The following C1QTNF9 variants were observed in gnomAD, a reference collection of about 807,000 sequenced individuals.
C1QTNF9 encodes C1q and TNF related 9, also known as complement C1q and tumor necrosis factor-related protein 9A.
A neutral mutation model predicts 10.1 loss-of-function variants in C1QTNF9; 6 were observed. The observed-to-expected ratio is 0.59, with a 90% CI of 0.32 to 1.17. The LOEUF (loss-of-function observed/expected upper bound fraction) is 1.17. C1QTNF9 is among the 50% of genes most tolerant of loss of function. The pLI, the probability that C1QTNF9 is intolerant of heterozygous loss-of-function variation, is 0.04. For synonymous variants in C1QTNF9, 98 were observed against 163.5 expected (o/e 0.60, Z 3.06); for missense variants, 201 against 418.8 (o/e 0.48, Z 4.54).
intron 3 of C1QTNF9, among the ~76,000 whole-genome samples, chr13:24,320,539 C>T (rs962575659): frequency 2.6e-5 from 4 of 152,018 alleles, no homozygotes; most frequent in South Asian, 2.1e-4. Context: ...TGTGCACCAC[C>T]GCGCCTGGCT....
chr13:24,314,234 T>G (rs112750264), intron 1 of C1QTNF9, among the ~76,000 whole-genome samples: 3,092 of 152,266 alleles, frequency 0.02, 99 homozygotes, highest in African/African-American at 0.071. Flanking sequence ...GTTTTTGTTT[T>G]ACTTCATTTT....
chr13:24,316,119 T>G, exon 2 of C1QTNF9: 1 of 1,612,388 alleles, frequency 6.2e-7, no homozygotes, highest in Non-Finnish European at 8.5e-7. Context: ...CACAATGGTC[T>G]GCCTGGAAGA....
intron 1 of C1QTNF9, among the ~76,000 whole-genome samples, chr13:24,310,040 T>C (rs1275416799): frequency 6.6e-6 from 1 of 151,024 alleles, no homozygotes; most frequent in Non-Finnish European, 1.5e-5. Flanking sequence ...ATTACAGACA[T>C]GGGCCACCAC....
exon 4 of C1QTNF9, chr13:24,321,700 A>G: frequency 6.2e-7 from 1 of 1,612,270 alleles, no homozygotes; most frequent in Non-Finnish European, 8.5e-7. Context: ...AGAGAGGTTC[A>G]ATGGCTTGTT....
intron 1 of C1QTNF9, among the ~76,000 whole-genome samples, chr13:24,309,898 CT>C (rs1174736736): frequency 6.6e-6 from 1 of 151,984 alleles, no homozygotes; most frequent in Admixed American, 6.6e-5. Context: ...GAATAGTGGG[CT>C]TTTTTTCTTT....
At chr13:24,318,146 G>A (rs558749097) in intron 2 of C1QTNF9, among the ~76,000 whole-genome samples, 2 of 152,260 alleles carry the variant, frequency 1.3e-5, no homozygotes, top group East Asian at 3.9e-4. Flanking sequence ...TACTGCCATA[G>A]CCAGAGCCAC....
exon 4 of C1QTNF9, chr13:24,321,296 T>G: frequency 1.3e-6 from 2 of 1,529,398 alleles, no homozygotes; most frequent in African/African-American, 1.5e-5. Context: ...GAGCCAGGAG[T>G]CCGGGGAATA....
intron 2 of C1QTNF9, among the ~76,000 whole-genome samples, chr13:24,317,254 A>AGTGTGTGTGT (rs10663026): frequency 1.3e-4 from 17 of 125,972 alleles, no homozygotes; most frequent in South Asian, 2.3e-4. Context: ...GGACCACAGT[A>AGTGTGTGTGT]GTGTGTGTGT....
At chr13:24,308,606 T>C (rs1175282754), upstream of C1QTNF9, among the ~76,000 whole-genome samples, 2 of 152,150 alleles carry the variant, frequency 1.3e-5, no homozygotes, top group African/African-American at 2.4e-5. Flanking sequence ...GCCGCCGAGC[T>C]GGGGCGAGCC....
intron 1 of C1QTNF9, among the ~76,000 whole-genome samples, chr13:24,314,931 C>T (rs765100883): frequency 2.8e-5 from 4 of 145,094 alleles, no homozygotes; most frequent in South Asian, 2.1e-4. Flanking sequence ...TTCACAGTGG[C>T]CTCCTAGAAA....
intron 3 of C1QTNF9, among the ~76,000 whole-genome samples, chr13:24,319,800 A>G (rs1462330300): frequency 3.3e-5 from 5 of 152,094 alleles, no homozygotes; most frequent in Admixed American, 6.5e-5. Context: ...AAACTTGTGT[A>G]ATCTTCACTT....
At chr13:24,314,891 T>A (rs1268697314) in intron 1 of C1QTNF9, among the ~76,000 whole-genome samples, 1 of 150,162 alleles carries the variant, frequency 6.7e-6, no homozygotes, top group Non-Finnish European at 1.5e-5. Flanking sequence ...TCTCCCGAAC[T>A]AGGTGATGTT....
intron 3 of C1QTNF9, 151 bp downstream of exon 3, chr13:24,319,031 A>C: frequency 9.0e-7 from 1 of 1,106,680 alleles, no homozygotes; most frequent in Non-Finnish European, 1.3e-6. Flanking sequence ...AGGGATTGGC[A>C]GGCTTTGCAG....
intron 2 of C1QTNF9, among the ~76,000 whole-genome samples, chr13:24,317,944 C>T (rs1003647595): frequency 1.4e-4 from 22 of 152,186 alleles, no homozygotes; most frequent in African/African-American, 4.3e-4. Flanking sequence ...CACTCAGGAG[C>T]GCTGGTGTCC....
chr13:24,316,269 C>T, intron 2 of C1QTNF9, 100 bp downstream of exon 2: 2 of 1,500,896 alleles, frequency 1.3e-6, no homozygotes, highest in Non-Finnish European at 9.1e-7. Context: ...CCCACTCACA[C>T]CCCATCCATC....
At chr13:24,315,157 C>A (rs1877978562) in intron 1 of C1QTNF9, among the ~76,000 whole-genome samples, 2 of 152,200 alleles carry the variant, frequency 1.3e-5, no homozygotes, top group Admixed American at 1.3e-4. Context: ...CTCCAGAACT[C>A]TTTTAAAATC....
intron 1 of C1QTNF9, among the ~76,000 whole-genome samples, chr13:24,315,511 C>A (rs1877988680): frequency 6.6e-6 from 1 of 152,190 alleles, no homozygotes. Context: ...ACATCTGTTC[C>A]AGTCCTTGCT....
chr13:24,316,010 A>T, exon 2 of C1QTNF9: 2 of 1,613,670 alleles, frequency 1.2e-6, no homozygotes, highest in Non-Finnish European at 1.7e-6. Flanking sequence ...AACCATGAGG[A>T]TCTGGTGGCT....
chr13:24,318,896 T>C lies in C1QTNF9; in HGVS notation c.229+16T>C. 1.2e-6 allele frequency: 2 copies of C among 1,613,980 alleles called. No individual in the cohort carries two copies. The highest frequency in any genetic ancestry group is 1.7e-6 in the Non-Finnish European group (2 of 1,179,802). On this transcript the variant is annotated intron_variant, in intron 3 of 3. Transcript: ENST00000332018. Reference sequence around the variant, plus strand: ...GGAGAACGAGGTTAGTAGTTCCTATTTATGGTGCTCTAATTCTGAGCTGTC... The same window carrying C: ...GGAGAACGAGGTTAGTAGTTCCTATCTATGGTGCTCTAATTCTGAGCTGTC...
Sources: gnomAD v4.1 joint callset for allele counts (sites outside exome capture counted in the v4.1 genomes callset) on GRCh38, gnomAD v4.1.1 for gene constraint, MANE v1.5 for transcripts, NCBI Gene and HGNC (gene_info 2026-07-23, HGNC 2026-07-21) for gene names.